The following TENM3 variants were observed in gnomAD, a reference collection of about 807,000 sequenced individuals.
TENM3 encodes teneurin-3.
In TENM3, 63 loss-of-function variants were observed where a neutral mutation model predicts 255.1. The ratio of observed to expected loss-of-function variants is 0.25; its 90% confidence interval spans 0.20 to 0.30. The LOEUF is 0.30. TENM3 is among the 10% of genes least tolerant of loss of function. The pLI is 1.00. For synonymous variants in TENM3, 1,306 were observed against 1,322.3 expected (o/e 0.99, Z 0.27); for missense variants, 2,929 against 3,461.1 (o/e 0.85, Z 3.86).
intron 3 of TENM3, among the ~76,000 whole-genome samples, chr4:182,480,437 G>T (rs1236253418): frequency 1.3e-5 from 2 of 151,936 alleles, no homozygotes; most frequent in East Asian, 3.9e-4. Context: ...GTTTTCTAAT[G>T]ATGTTTTTCA....
chr4:182,096,258 C>T, the TENM3 span, among the ~76,000 whole-genome samples: 34 of 152,140 alleles, frequency 2.2e-4, no homozygotes, highest in South Asian at 5.8e-3. Context: ...TGTCTAAAGA[C>T]GGGACAAATT....
chr4:182,005,895 C>A, the TENM3 span, among the ~76,000 whole-genome samples: 99 of 152,226 alleles, frequency 6.5e-4, no homozygotes, highest in Middle Eastern at 6.8e-3. Context: ...TAAAGGAATG[C>A]TTCTGATTTC....
intron 1 of TENM3, among the ~76,000 whole-genome samples, chr4:182,304,530 TA>T (rs1302697138): frequency 1.3e-5 from 2 of 152,072 alleles, no homozygotes; most frequent in Non-Finnish European, 2.9e-5. Flanking sequence ...TTTTTTTAAT[TA>T]AAATTGGCTG....
chr4:182,754,894 C>G lies in TENM3; in HGVS notation c.4527C>G (p.Asn1509Lys), dbSNP rs1762618430. Residue 1509 changes from asparagine to lysine, a missense_variant, in exon 22 of 28, where the codon AAC becomes AAG. Transcript: ENST00000511685. The surrounding 1 kb of genome is among the most constrained non-coding windows in gnomAD (Gnocchi z 5.1). ...ATAAGCCTTTACTTAACTCTATGAA[C>G]TTCTATGAAGTTGCGTCTCCAACTG... is the stretch of plus-strand genomic sequence containing the variant. ...SKNKPLLNSMNFYEVASPTDQ... is the reference protein window; with the variant it reads ...SKNKPLLNSMKFYEVASPTDQ... The G allele has an allele frequency of 6.2e-7, 1 of 1,614,056 alleles. No individual in the cohort carries two copies.
chr4:182,701,444 G>T (rs13150790), intron 12 of TENM3, among the ~76,000 whole-genome samples: 41,819 of 151,196 alleles, frequency 0.28, 6,223 homozygotes, highest in Non-Finnish European at 0.34. Context: ...ATGGTCTCAA[G>T]CTCCTGACCT....
chr4:182,191,278 T>A (rs1579656263), intron 1 of TENM3, among the ~76,000 whole-genome samples: 2 of 152,312 alleles, frequency 1.3e-5, no homozygotes, highest in Non-Finnish European at 2.9e-5. Context: ...CTTTATTTCT[T>A]GTCTACTGCC....
At chr4:181,930,847 A>G in the TENM3 span, among the ~76,000 whole-genome samples, 1 of 152,234 alleles carries the variant, frequency 6.6e-6, no homozygotes, top group African/African-American at 2.4e-5. Context: ...CCTGGAATGC[A>G]AGGCTGGTTC....
intron 3 of TENM3, among the ~76,000 whole-genome samples, chr4:182,383,463 A>G (rs748463108): frequency 9.3e-5 from 14 of 150,962 alleles, no homozygotes; most frequent in Non-Finnish European, 2.1e-4. Flanking sequence ...TTTAAAAAAC[A>G]TATTTTTATT....
At chr4:182,286,059 A>T (rs1326921946) in intron 1 of TENM3, among the ~76,000 whole-genome samples, 1 of 152,148 alleles carries the variant, frequency 6.6e-6, no homozygotes, top group East Asian at 1.9e-4. Flanking sequence ...CTGTTCACGC[A>T]GTACCCCATC....
intron 5 of TENM3, among the ~76,000 whole-genome samples, chr4:182,644,849 T>TTTGG (rs533962880): frequency 2.3e-4 from 35 of 152,222 alleles, no homozygotes; most frequent in Non-Finnish European, 4.6e-4. Flanking sequence ...GAGTAGCCTA[T>TTTGG]TTGGCTGTTA....
chr4:181,517,953 C>T, the TENM3 span, among the ~76,000 whole-genome samples: 1 of 152,048 alleles, frequency 6.6e-6, no homozygotes, highest in Non-Finnish European at 1.5e-5. Flanking sequence ...CAAAGCTATC[C>T]ACCACATCCA....
At chr4:182,423,342 C>G (rs1254827496) in intron 3 of TENM3, among the ~76,000 whole-genome samples, 1 of 152,096 alleles carries the variant, frequency 6.6e-6, no homozygotes, top group Non-Finnish European at 1.5e-5. Context: ...TTCCAGATCA[C>G]CTTATGTTTG....
the TENM3 span, among the ~76,000 whole-genome samples, chr4:181,944,467 A>G: frequency 3.9e-5 from 6 of 152,154 alleles, no homozygotes; most frequent in Admixed American, 1.3e-4. Flanking sequence ...CCTCCATTCA[A>G]ATGCCAACCT....
At chr4:181,888,000 TTATTC>T in the TENM3 span, among the ~76,000 whole-genome samples, 2 of 152,148 alleles carry the variant, frequency 1.3e-5, no homozygotes, top group African/African-American at 2.4e-5. Flanking sequence ...AGGCTCAATT[TTATTC>T]TATTCTATTC....
At chr4:181,522,893 A>G in the TENM3 span, 3 of 975,314 alleles carry the variant, frequency 3.1e-6, no homozygotes, top group Admixed American at 3.5e-5. Flanking sequence ...TGATGATAGC[A>G]GTTGTTGCTG....
At chr4:182,436,912 G>A (rs928378974) in intron 3 of TENM3, among the ~76,000 whole-genome samples, 1 of 151,978 alleles carries the variant, frequency 6.6e-6, no homozygotes. Flanking sequence ...CAGCTACTAG[G>A]GAGTACTAGG....
At chr4:181,701,559 A>G in the TENM3 span, among the ~76,000 whole-genome samples, 3 of 52,784 alleles carry the variant, frequency 5.7e-5, no homozygotes, top group African/African-American at 1.2e-4. Flanking sequence ...GAAATAAATC[A>G]GTTTCTCAGT....
chr4:181,467,495 C>G, the TENM3 span, among the ~76,000 whole-genome samples: 1 of 151,756 alleles, frequency 6.6e-6, no homozygotes, highest in African/African-American at 2.4e-5. Flanking sequence ...CATATTATGA[C>G]AGATATCTAG....
Position 182,346,638 on chromosome 4 carries a change from T to C in TENM3, c.233-13T>C, listed in dbSNP as rs2150669470. 3.7e-6 allele frequency: 6 copies of C among 1,610,138 alleles called. No individual in the cohort carries two copies. Among genetic ancestry groups the C allele is most frequent in the South Asian group, 1.1e-5 (1 of 90,796 alleles). On this transcript the variant is annotated splice_polypyrimidine_tract_variant and intron_variant, in intron 2 of 27. Transcript: ENST00000511685. ...ATACTCACTAGTTGTTATCTTTTTT[T>C]CCCCCTAATTAGGACAGAATTTTAC...
Sources: allele counts gnomAD v4.1 joint callset (sites outside exome capture counted in the v4.1 genomes callset), GRCh38; gene constraint gnomAD v4.1.1; non-coding constraint Gnocchi (gnomAD v3.1); transcripts MANE v1.5; gene names NCBI Gene and HGNC (gene_info 2026-07-23, HGNC 2026-07-21).